CNTNAP2: variants seen among roughly 807,000 people sequenced by gnomAD.
The protein encoded by CNTNAP2 is contactin associated protein 2, also known as contactin-associated protein-like 2.
In CNTNAP2, 98 loss-of-function variants were observed where a neutral mutation model predicts 155.2. The observed-to-expected ratio is 0.63, with a 90% CI of 0.54 to 0.75. CNTNAP2 has a LOEUF of 0.75. Among genes scored for constraint, CNTNAP2 ranks in the 30% least tolerant of loss-of-function variants. The pLI, the probability that CNTNAP2 is intolerant of heterozygous loss-of-function variation, is 0.00. For synonymous variants in CNTNAP2, 651 were observed against 631.2 expected, an observed-to-expected ratio of 1.03 and a Z score of -0.47; for missense variants, 1,727 against 1,688.1, an observed-to-expected ratio of 1.02 and a Z score of -0.40.
At chr7:146,471,481 A>G (rs1404518631) in intron 1 of CNTNAP2, among the ~76,000 whole-genome samples, 2 of 152,240 alleles carry the variant, frequency 1.3e-5, no homozygotes, top group East Asian at 1.9e-4. Flanking sequence ...ATTGGACCCA[A>G]TAGTCTTTTC....
rs959453891 is a variant in CNTNAP2 at position 146,541,089 on chromosome 7, C to A, written c.98-233182C>A. Among the ~76,000 whole-genome samples, 4 of 151,984 alleles carry A rather than the reference C, an allele frequency of 2.6e-5. No individual in the cohort carries two copies. In the South Asian group the frequency reaches 8.3e-4, roughly 32 times the overall value. On this transcript the variant is annotated intron_variant, in intron 1 of 23. Transcript: ENST00000361727. Reference sequence around the variant, plus strand: ...CTCATTTTTTCAGAACATACTGAAACAGAAATAGTCTGTCACCTCTGCCTC... The same window carrying A: ...CTCATTTTTTCAGAACATACTGAAAAAGAAATAGTCTGTCACCTCTGCCTC...
At chr7:147,866,196 G>A (rs1563116703) in intron 13 of CNTNAP2, among the ~76,000 whole-genome samples, 1 of 152,168 alleles carries the variant, frequency 6.6e-6, no homozygotes, top group African/African-American at 2.4e-5. Context: ...TAGTCATTCA[G>A]GAGCAGGTTG....
chr7:148,264,629 A>C (rs1286743901), intron 20 of CNTNAP2, among the ~76,000 whole-genome samples: 1 of 152,210 alleles, frequency 6.6e-6, no homozygotes, highest in African/African-American at 2.4e-5. Context: ...TATAATGAAC[A>C]TATATTATTT....
At chr7:148,088,320 G>A (rs1311537139) in intron 15 of CNTNAP2, among the ~76,000 whole-genome samples, 1 of 151,500 alleles carries the variant, frequency 6.6e-6, no homozygotes, top group Non-Finnish European at 1.5e-5. Context: ...AGGAAACAAA[G>A]ATTAGAGCAG....
At chr7:147,927,037 T>A (rs1350902113) in intron 14 of CNTNAP2, among the ~76,000 whole-genome samples, 1 of 152,208 alleles carries the variant, frequency 6.6e-6, no homozygotes, top group South Asian at 2.1e-4. Flanking sequence ...TCCTGCATAA[T>A]CACCACAAAT....
intron 3 of CNTNAP2, among the ~76,000 whole-genome samples, chr7:146,969,382 T>C (rs200327928): frequency 0.068 from 10,264 of 151,950 alleles, 476 homozygotes; most frequent in East Asian, 0.15. Flanking sequence ...CTTTCTGTCT[T>C]GTTGATCTGT....
At chr7:146,596,969 A>T (rs1009416439) in intron 1 of CNTNAP2, among the ~76,000 whole-genome samples, 3 of 152,088 alleles carry the variant, frequency 2.0e-5, no homozygotes, top group African/African-American at 7.2e-5. Flanking sequence ...GTAGGGTGTC[A>T]GTAACCGTAA....
chr7:146,289,398 A>G (rs1465701992), intron 1 of CNTNAP2, among the ~76,000 whole-genome samples: 1 of 152,212 alleles, frequency 6.6e-6, no homozygotes, highest in Non-Finnish European at 1.5e-5. Flanking sequence ...TCTCATGGGA[A>G]TTAACAGACA....
intron 14 of CNTNAP2, among the ~76,000 whole-genome samples, chr7:147,914,948 A>C (rs1344002061): frequency 6.6e-6 from 1 of 152,238 alleles, no homozygotes; most frequent in Non-Finnish European, 1.5e-5. Flanking sequence ...CAATAGATTA[A>C]GGATGTAGGA....
chr7:146,697,891 G>A (rs1388777583), intron 1 of CNTNAP2, among the ~76,000 whole-genome samples: 1 of 151,912 alleles, frequency 6.6e-6, no homozygotes, highest in East Asian at 1.9e-4. Flanking sequence ...ATACTTTCCT[G>A]CCTTCTTCAG....
At chr7:146,243,885 A>G (rs937589884) in intron 1 of CNTNAP2, among the ~76,000 whole-genome samples, 7 of 152,124 alleles carry the variant, frequency 4.6e-5, no homozygotes, top group African/African-American at 1.7e-4. Context: ...GACAGCGAAA[A>G]TTTTTGGAGA....
At chr7:147,109,432 T>A (rs942073277) in intron 5 of CNTNAP2, among the ~76,000 whole-genome samples, 1 of 152,116 alleles carries the variant, frequency 6.6e-6, no homozygotes, top group Non-Finnish European at 1.5e-5. Context: ...AGAGATCAGT[T>A]TGGACATGGT....
At chr7:146,735,771 AG>A (rs1801608050) in intron 1 of CNTNAP2, among the ~76,000 whole-genome samples, 1 of 143,628 alleles carries the variant, frequency 7.0e-6, no homozygotes, top group African/African-American at 3.0e-5. Flanking sequence ...AGAGGGTAAT[AG>A]GGAGAGATTG....
intron 12 of CNTNAP2, among the ~76,000 whole-genome samples, chr7:147,606,612 G>A (rs1216057201): frequency 6.6e-6 from 1 of 152,154 alleles, no homozygotes; most frequent in African/African-American, 2.4e-5. Context: ...TAACCTGTAA[G>A]GGAATAAGGA....
intron 14 of CNTNAP2, among the ~76,000 whole-genome samples, chr7:147,942,025 G>A (rs181434947): frequency 2.6e-5 from 4 of 152,132 alleles, no homozygotes; most frequent in African/African-American, 9.7e-5. Context: ...TGACTTACTG[G>A]CTTTTAAGAC....
chr7:147,185,378 A>G (rs548653855), intron 8 of CNTNAP2, among the ~76,000 whole-genome samples: 75 of 152,302 alleles, frequency 4.9e-4, no homozygotes, highest in South Asian at 2.1e-4. Context: ...TCTTTTAGGT[A>G]TATATACTAG....
chr7:146,318,670 C>G (rs531568507), intron 1 of CNTNAP2, among the ~76,000 whole-genome samples: 1 of 151,830 alleles, frequency 6.6e-6, no homozygotes, highest in Non-Finnish European at 1.5e-5. Flanking sequence ...AGAGAAGATA[C>G]GAAGAAAGCA....
At chr7:147,849,512 G>A (rs552763358) in intron 13 of CNTNAP2, among the ~76,000 whole-genome samples, 73 of 152,258 alleles carry the variant, frequency 4.8e-4, no homozygotes, top group Middle Eastern at 3.4e-3. Context: ...TTGTCATTAT[G>A]TAAATACCTA....
chr7:146,569,299 G>A (rs897395988), intron 1 of CNTNAP2, among the ~76,000 whole-genome samples: 3 of 152,120 alleles, frequency 2.0e-5, no homozygotes, highest in South Asian at 2.1e-4. Flanking sequence ...GATTACAGGC[G>A]TGAGCCGCCG....
Sources: gnomAD v4.1 joint callset for allele counts (sites outside exome capture counted in the v4.1 genomes callset) on GRCh38, gnomAD v4.1.1 for gene constraint, MANE v1.5 for transcripts, NCBI Gene and HGNC (gene_info 2026-07-23, HGNC 2026-07-21) for gene names.